Variants in SETD3 observed in about 807,000 individuals in gnomAD.
SETD3 encodes SET domain containing 3, actin N3(tau)-histidine methyltransferase.
Under a neutral mutation model 63.0 loss-of-function variants are expected in SETD3, and 19 were observed. That is an observed-to-expected ratio of 0.30 (90% CI 0.21 to 0.44). SETD3 has a LOEUF of 0.44. Among genes scored for constraint, SETD3 ranks in the 20% least tolerant of loss-of-function variants. The pLI is 1.00. For synonymous variants in SETD3, 286 were observed against 264.1 expected (o/e 1.08, Z -0.80); for missense variants, 587 against 728.5 (o/e 0.81, Z 2.24).
At position 99,458,297 on chromosome 14, in the gene SETD3, G is replaced by A; in HGVS notation, c.657C>T (p.Tyr219=). The A allele has an allele frequency of 2.5e-6, 4 of 1,613,900 alleles. No individual in the cohort carries two copies. Among genetic ancestry groups the A allele is most frequent in the Non-Finnish European group, 3.4e-6 (4 of 1,179,824 alleles). The change falls in exon 6 of 13, where the codon TAC becomes TAT. Residue 219 remains tyrosine (Y), a synonymous_variant. Transcript: ENST00000331768. Reference sequence around the variant, plus strand: ...TGCTCACCTGGATGACTTTATAGAAGTAGGCGTACTGTCGAGCTGTGTTTT... The same window carrying A: ...TGCTCACCTGGATGACTTTATAGAAATAGGCGTACTGTCGAGCTGTGTTTT... ...QYKNTARQYA[Y]FYKVIQTHPH...
intron 6 of SETD3, among the ~76,000 whole-genome samples, chr14:99,454,513 T>A (rs1021630921): frequency 6.6e-6 from 1 of 152,052 alleles, no homozygotes; most frequent in Non-Finnish European, 1.5e-5. Context: ...CATAAGATAC[T>A]GAAGGGACAG....
At chr14:99,437,733 T>C (rs562966878) in intron 6 of SETD3, among the ~76,000 whole-genome samples, 1 of 152,370 alleles carries the variant, frequency 6.6e-6, no homozygotes, top group African/African-American at 2.4e-5. Context: ...AATAAATCTC[T>C]TTCAGTTTTG....
intron 8 of SETD3, 59 bp from the exon 9 acceptor site, chr14:99,406,649 A>G (rs1393640459): frequency 1.7e-5 from 26 of 1,506,724 alleles, no homozygotes; most frequent in Non-Finnish European, 2.4e-5. Context: ...ATCTCACTTA[A>G]TCTACAAGCT....
chr14:99,410,185 C>T (rs148151659), intron 8 of SETD3: 304 of 1,612,728 alleles, frequency 1.9e-4, no homozygotes, highest in African/African-American at 1.9e-4. Context: ...TAGGCAGAGG[C>T]GACAGCAAGA....
rs557809036 is a variant in SETD3 at position 99,449,897 on chromosome 14, AAAAC to A, written c.675+8378_675+8381del. 2.5e-4 allele frequency among the ~76,000 whole-genome samples: 38 copies of A among 152,356 alleles called. No homozygotes were observed. In the East Asian group the frequency reaches 2.5e-3, roughly 10 times the overall value. On this transcript the variant is annotated intron_variant, in intron 6 of 12. Transcript: ENST00000331768. ...GAATTATTTCAAAATAAAAAGTTAA[AAAAC>A]AAACAAACAAATTTCACATCCCCAG...
intron 6 of SETD3, among the ~76,000 whole-genome samples, chr14:99,432,492 C>A (rs570355006): frequency 6.6e-6 from 1 of 152,266 alleles, no homozygotes; most frequent in Non-Finnish European, 1.5e-5. Flanking sequence ...TTTTAAGCCA[C>A]CAAAAAGCAA....
rs1396261225 is a variant in SETD3 at position 99,398,063 on chromosome 14, ATG to A, written c.*614_*615del. On this transcript the variant is annotated 3_prime_UTR_variant, in exon 13 of 13. Coordinates refer to ENST00000331768, the MANE Select transcript of SETD3 (RefSeq NM_032233.3). ...CAAATCTTTAGAAATCACTATATAT[ATG>A]TGTGTTTATATATATATTTTTATAT... 1 of 152,530 alleles carries A rather than the reference ATG, an allele frequency of 6.6e-6. No homozygotes were observed. Among genetic ancestry groups the A allele is most frequent in the African/African-American group, 2.4e-5 (1 of 41,420 alleles). The allele number at this position is 152,530 out of a possible 1,614,324, so 9.4% of individuals were successfully genotyped here.
chr14:99,482,837 A>T (rs886139250), upstream of SETD3, among the ~76,000 whole-genome samples: 38 of 144,368 alleles, frequency 2.6e-4, no homozygotes, highest in Non-Finnish European at 4.9e-4. Flanking sequence ...TCATTTCAGG[A>T]CATTATATTT....
intron 12 of SETD3, 76 bp downstream of exon 12, chr14:99,400,023 G>A: frequency 2.9e-6 from 4 of 1,366,446 alleles, no homozygotes; most frequent in Non-Finnish European, 3.0e-6. Context: ...TTACAGGCGT[G>A]AGCCACCGCA....
chr14:99,451,180 A>G (rs1894438657), intron 6 of SETD3, among the ~76,000 whole-genome samples: 1 of 152,166 alleles, frequency 6.6e-6, no homozygotes, highest in African/African-American at 2.4e-5. Context: ...TTCTATCACA[A>G]AACTGGTCAT....
In SETD3 at chr14:99,431,982, ACAC is replaced by A. The variant is rs546477220; in HGVS notation, c.676-18051_676-18049del. The stretch of plus-strand genomic sequence containing the variant: ...ATGAATACACAGAGAAGTTTTCATA[ACAC>A]CACTTTTTCATCATGATCCATCTTG... On this transcript the variant is annotated intron_variant, in intron 6 of 12. Transcript: ENST00000331768. 3.9e-5 allele frequency among the ~76,000 whole-genome samples: 6 copies of A among 152,318 alleles called. No individual in the cohort carries two copies. In the South Asian group the frequency reaches 1.2e-3, roughly 32 times the overall value.
intron 1 of SETD3, among the ~76,000 whole-genome samples, chr14:99,466,496 C>T (rs1364100502): frequency 6.6e-6 from 1 of 152,176 alleles, no homozygotes; most frequent in African/African-American, 2.4e-5. Flanking sequence ...GCAGATGAGA[C>T]CATGTGGTAT....
chr14:99,452,473 A>T (rs533315874), intron 6 of SETD3, among the ~76,000 whole-genome samples: 2 of 152,384 alleles, frequency 1.3e-5, no homozygotes, highest in South Asian at 2.1e-4. Context: ...CTAAGTGCCC[A>T]CACTAAAAGG....
chr14:99,414,088 C>A (rs1026204534), intron 6 of SETD3, among the ~76,000 whole-genome samples, 154 bp from the exon 7 acceptor site: 1 of 152,270 alleles, frequency 6.6e-6, no homozygotes, highest in African/African-American at 2.4e-5. Context: ...GGGATCATCG[C>A]GCTGTTATGC....
At chr14:99,420,778 C>T (rs1305276470) in intron 6 of SETD3, among the ~76,000 whole-genome samples, 1 of 152,036 alleles carries the variant, frequency 6.6e-6, no homozygotes, top group Non-Finnish European at 1.5e-5. Flanking sequence ...ATCAAGCCCA[C>T]CAGTCCTCTG....
At chr14:99,453,937 A>G (rs1269308619) in intron 6 of SETD3, among the ~76,000 whole-genome samples, 2 of 152,200 alleles carry the variant, frequency 1.3e-5, no homozygotes, top group Non-Finnish European at 1.5e-5. Context: ...TCTGAAAAAG[A>G]ACCACATCTG....
rs928064203 is a variant in SETD3 at position 99,459,271 on chromosome 14, C to T, written c.346-86G>A. On this transcript the variant is annotated intron_variant, in intron 4 of 12. Coordinates refer to ENST00000331768, the MANE Select transcript of SETD3 (RefSeq NM_032233.3). ...ATATCTACGGTCAGAAATCCAATCA[C>T]ACATGAAGTACAACTTAAGGCTGCA... 43 of 882,704 alleles carry T rather than the reference C, an allele frequency of 4.9e-5. 1 individual carries two copies. The Admixed American group carries it at 9.3e-4, about 19-fold the overall frequency. The allele number at this position is 882,704 out of a possible 1,614,324, so 54.7% of individuals were successfully genotyped here. A position where few individuals can be genotyped will look rare whatever the true frequency, so the allele number is the denominator to read the frequency against.
chr14:99,433,755 G>A lies in SETD3; in HGVS notation c.676-19821C>T, dbSNP rs542991972. ...TCCGGCCTTAAAAATTCTTTAATGA[G>A]CGTAACATTTGAACAGGCACTTCCC... is the stretch of plus-strand genomic sequence containing the variant. On this transcript the variant is annotated intron_variant, in intron 6 of 12. Coordinates refer to ENST00000331768, the MANE Select transcript of SETD3 (RefSeq NM_032233.3). Among the ~76,000 whole-genome samples, 9 of 152,236 alleles carry A rather than the reference G, an allele frequency of 5.9e-5. No individual in the cohort carries two copies. The South Asian group carries it at 1.9e-3, about 32-fold the overall frequency.
chr14:99,439,985 G>T (rs1186746936), intron 6 of SETD3, among the ~76,000 whole-genome samples: 4 of 151,420 alleles, frequency 2.6e-5, no homozygotes, highest in Non-Finnish European at 4.4e-5. Context: ...TAGAGACAGG[G>T]TTTCGCCATG....
Sources: gnomAD v4.1 joint callset for allele counts (sites outside exome capture counted in the v4.1 genomes callset) on GRCh38, gnomAD v4.1.1 for gene constraint, MANE v1.5 for transcripts, NCBI Gene and HGNC (gene_info 2026-07-23, HGNC 2026-07-21) for gene names.